Variants in RNF216 observed in about 807,000 individuals in gnomAD.
RNF216 encodes the protein E3 ubiquitin-protein ligase RNF216.
A neutral mutation model predicts 110.8 loss-of-function variants in RNF216; 72 were observed. The observed-to-expected ratio is 0.65, with a 90% CI of 0.54 to 0.79. RNF216 has a LOEUF of 0.79. Among genes scored for constraint, RNF216 ranks in the 30% least tolerant of loss-of-function variants. The pLI is 0.00. For missense variants in RNF216, 1,342 were observed against 1,141.2 expected (o/e 1.18, Z -2.54); for synonymous variants, 495 against 407.5 (o/e 1.21, Z -2.59).
At chr7:5,752,569 A>T (rs1795387891) in intron 3 of RNF216, among the ~76,000 whole-genome samples, 1 of 152,250 alleles carries the variant, frequency 6.6e-6, no homozygotes, top group African/African-American at 2.4e-5. Flanking sequence ...ATATAAGGCC[A>T]ATCCAACAGT....
intron 13 of RNF216, among the ~76,000 whole-genome samples, chr7:5,668,920 GACT>G (rs1789713605): frequency 6.6e-6 from 1 of 152,178 alleles, no homozygotes; most frequent in African/African-American, 2.4e-5. Context: ...CTCTAGATGT[GACT>G]ACTTTCACAC....
intron 2 of RNF216, among the ~76,000 whole-genome samples, chr7:5,757,266 A>G (rs1489272999): frequency 2.0e-5 from 3 of 152,118 alleles, no homozygotes; most frequent in African/African-American, 4.8e-5. Flanking sequence ...TTTGCTTTGT[A>G]TATTTTCCTA....
rs75559821 is a variant in RNF216 at position 5,659,415 on chromosome 7, G to A, written c.2062-6905C>T. 6.6e-5 allele frequency among the ~76,000 whole-genome samples: 10 copies of A among 152,296 alleles called. No individual in the cohort carries two copies. The East Asian group carries it at 1.9e-3, about 29-fold the overall frequency. On this transcript the variant is annotated intron_variant, in intron 13 of 16. Transcript: ENST00000389902. ...TATGGGTACAGAGGGAAGAGCAAGG[G>A]TGAAGGCTTCAGGGCAGGAGAGGGT...
chr7:5,701,245 AC>A (rs1269268621), intron 13 of RNF216, among the ~76,000 whole-genome samples: 3 of 152,122 alleles, frequency 2.0e-5, no homozygotes, highest in Non-Finnish European at 4.4e-5. Flanking sequence ...TGAAAAATCT[AC>A]CCCTTTACAT....
At chr7:5,647,142 G>A (rs1788097952) in intron 14 of RNF216, among the ~76,000 whole-genome samples, 1 of 151,456 alleles carries the variant, frequency 6.6e-6, no homozygotes, top group South Asian at 2.1e-4. Context: ...GGAAAAAGTT[G>A]CCTCTGGCAG....
intron 1 of RNF216, among the ~76,000 whole-genome samples, chr7:5,772,438 G>C (rs892136623): frequency 6.6e-6 from 1 of 152,108 alleles, no homozygotes; most frequent in Non-Finnish European, 1.5e-5. Context: ...TGTGCTTCTT[G>C]CTGTGTCACC....
chr7:5,652,765 G>A (rs1397567209), intron 13 of RNF216, among the ~76,000 whole-genome samples: 1 of 152,068 alleles, frequency 6.6e-6, no homozygotes, highest in Non-Finnish European at 1.5e-5. Context: ...AGACCAGCCT[G>A]GGCAACAGAG....
In RNF216 at chr7:5,696,490, C is replaced by T. The variant is rs922577022; in HGVS notation, c.2061+15271G>A. ...TGGGAATGCAGCAAAGCAGCAACTG[C>T]CCAATGATCTACTCCAGGGCACCCA... is the stretch of plus-strand genomic sequence containing the variant. On this transcript the variant is annotated intron_variant, in intron 13 of 16. Transcript: ENST00000389902. The surrounding 1 kb of genome is among the most constrained non-coding windows in gnomAD (Gnocchi z 5.4). Among the ~76,000 whole-genome samples, 3 of 152,178 alleles carry T rather than the reference C, an allele frequency of 2.0e-5. No individual in the cohort carries two copies. The highest frequency in any genetic ancestry group is 2.9e-5 in the Non-Finnish European group (2 of 68,028).
intron 1 of RNF216, among the ~76,000 whole-genome samples, chr7:5,761,521 C>T (rs1417397405): frequency 6.6e-6 from 1 of 152,184 alleles, no homozygotes; most frequent in East Asian, 1.9e-4. Flanking sequence ...GACGCAGTGG[C>T]TCACGCCTAC....
In RNF216 at chr7:5,715,149, A is replaced by G; in HGVS notation, c.1737T>C (p.Phe579=). 1 of 1,613,888 alleles carries G rather than the reference A, an allele frequency of 6.2e-7. No homozygotes were observed. The highest frequency in any genetic ancestry group is 8.5e-7 in the Non-Finnish European group (1 of 1,180,016). Residue 579 remains phenylalanine, a synonymous_variant, in exon 11 of 17, where the codon TTT becomes TTC. Transcript: ENST00000389902. The part of the protein sequence containing the change: ...LIECRCCYGE[F]PFEELTQCAD... ...CGCACTGCGTCAGCTCCTCGAATGG[A>G]AATTCCCCATAGCAGCAGCGACACT...
chr7:5,732,766 G>T (rs528656522), intron 5 of RNF216, among the ~76,000 whole-genome samples: 1 of 152,124 alleles, frequency 6.6e-6, no homozygotes, highest in Non-Finnish European at 1.5e-5. Flanking sequence ...GAAGCCTGTC[G>T]GACTTCAATC....
intron 15 of RNF216, among the ~76,000 whole-genome samples, chr7:5,632,921 A>G (rs1353210689): frequency 6.6e-6 from 1 of 152,198 alleles, no homozygotes; most frequent in Non-Finnish European, 1.5e-5. Flanking sequence ...AGTGTCAAGG[A>G]CAAAGGGTCA....
chr7:5,700,569 C>A lies in RNF216; in HGVS notation c.2061+11192G>T, dbSNP rs117435084. On this transcript the variant is annotated intron_variant, in intron 13 of 16. Coordinates refer to ENST00000389902, the MANE Select transcript of RNF216 (RefSeq NM_207111.4). ...GGCCACTCCAAGCTTCTGATCCCCA[C>A]AGGCTGTGACAAGCCTGAGAAGCAA... Among the ~76,000 whole-genome samples the A allele has an allele frequency of 8.7e-3, 1,330 of 152,278 alleles. 6 individuals carry two copies. Among genetic ancestry groups the A allele is most frequent in the Non-Finnish European group, 0.013 (891 of 68,020 alleles).
At position 5,700,458 on chromosome 7, in the gene RNF216, G is replaced by A. The variant is rs115487772; in HGVS notation, c.2061+11303C>T. 6.7e-3 allele frequency among the ~76,000 whole-genome samples: 1,021 copies of A among 152,220 alleles called. 12 individuals carry two copies. Among genetic ancestry groups the A allele is most frequent in the African/African-American group, 0.023 (949 of 41,502 alleles). Reference sequence around the variant, plus strand: ...TAACATGCATCTCTCCCTTGATGAGGCCACAGACACAGAAAAATGTCATTA... The same window carrying A: ...TAACATGCATCTCTCCCTTGATGAGACCACAGACACAGAAAAATGTCATTA... On this transcript the variant is annotated intron_variant, in intron 13 of 16. Transcript: ENST00000389902.
chr7:5,654,198 A>G (rs1426302869), intron 13 of RNF216, among the ~76,000 whole-genome samples: 1 of 152,198 alleles, frequency 6.6e-6, no homozygotes, highest in Non-Finnish European at 1.5e-5. Context: ...AAGGGGACTG[A>G]CTTGAGAGCA....
At chr7:5,707,680 G>T (rs911107076) in intron 13 of RNF216, among the ~76,000 whole-genome samples, 1 of 144,582 alleles carries the variant, frequency 6.9e-6, no homozygotes, top group African/African-American at 2.6e-5. Context: ...CCTTGTTCCT[G>T]ATCTTAGTAA....
chr7:5,747,178 G>A (rs1164883102), intron 3 of RNF216, among the ~76,000 whole-genome samples: 1 of 152,194 alleles, frequency 6.6e-6, no homozygotes, highest in Non-Finnish European at 1.5e-5. Flanking sequence ...TGAAAATGTA[G>A]CATGAAATTC....
chr7:5,747,745 T>TAAAAAAAAAAAAAAAAAAAAAA (rs1562457376), intron 3 of RNF216, among the ~76,000 whole-genome samples: 4 of 11,018 alleles, frequency 3.6e-4, no homozygotes, highest in African/African-American at 1.5e-3. Flanking sequence ...AGACTCCATC[T>TAAAAAAAAAAAAAAAAAAAAAA]CAAAAAAAAA....
chr7:5,710,381 A>G (rs374635180), intron 13 of RNF216, among the ~76,000 whole-genome samples: 1 of 151,706 alleles, frequency 6.6e-6, no homozygotes, highest in African/African-American at 2.4e-5. Flanking sequence ...ACAAAAACAA[A>G]AACAAAAAAC....
Sources: gnomAD v4.1 joint callset for allele counts (sites outside exome capture counted in the v4.1 genomes callset) on GRCh38, gnomAD v4.1.1 for gene constraint, Gnocchi (gnomAD v3.1) non-coding constraint, MANE v1.5 for transcripts, NCBI Gene and HGNC (gene_info 2026-07-23, HGNC 2026-07-21) for gene names.